The following LIF variants were observed in gnomAD, a reference collection of about 807,000 sequenced individuals.
LIF encodes leukemia inhibitory factor.
Under a neutral mutation model 15.0 loss-of-function variants are expected in LIF, and 9 were observed. That is an observed-to-expected ratio of 0.60 (90% CI 0.36 to 1.04). The LOEUF (loss-of-function observed/expected upper bound fraction) is 1.04, where lower values mean the gene tolerates loss of function less well. Among genes scored for constraint, LIF ranks in the 50% least tolerant of loss-of-function variants. LIF has a pLI of 0.01. For synonymous variants in LIF, 122 were observed against 119.7 expected, an observed-to-expected ratio of 1.02 and a Z score of -0.13; for missense variants, 240 against 266.7, an observed-to-expected ratio of 0.90 and a Z score of 0.70.
intron 1 of LIF, chr22:30,246,176 G>A (rs1928882257): frequency 6.3e-6 from 1 of 159,172 alleles, no homozygotes; most frequent in South Asian, 1.9e-4. Context: ...ACCTAGCGCA[G>A]ACCACACGCT....
Position 30,244,801 on chromosome 22 carries a change from T to A in LIF, c.152A>T (p.Gln51Leu). The A allele has an allele frequency of 6.2e-7, 1 of 1,614,226 alleles. No homozygotes were observed. Among genetic ancestry groups the A allele is most frequent in the Non-Finnish European group, 8.5e-7 (1 of 1,180,034 alleles). ...HNNLMNQIRS[Q>L]LAQLNGSANA... Reference sequence around the variant, plus strand: ...GGCACTGCCATTGAGCTGTGCCAGTTGGCTCCTGATCTGGTTCATGAGGTT... The same window carrying A: ...GGCACTGCCATTGAGCTGTGCCAGTAGGCTCCTGATCTGGTTCATGAGGTT... The change falls in exon 2 of 3, where the codon CAA (glutamine) becomes CTA (leucine). Residue 51 changes from glutamine to leucine, a missense_variant. Gln to Leu is a moderately radical substitution (Grantham distance 113). Transcript: ENST00000249075.
rs547692697 is a variant in LIF, at chr22:30,242,216, G to A, written c.*1435C>T. On this transcript the variant is annotated 3_prime_UTR_variant, in exon 3 of 3. Coordinates refer to ENST00000249075, the MANE Select transcript of LIF (RefSeq NM_002309.5). ...CACAATGCTGGGGCGCCCAAGAACAGTGTGAACCAGCCCCCTGGAATCAAG... is the reference window on the plus strand; with the variant it reads ...CACAATGCTGGGGCGCCCAAGAACAATGTGAACCAGCCCCCTGGAATCAAG... 1 of 152,852 alleles carries A rather than the reference G, an allele frequency of 6.5e-6. No homozygotes were observed. Among genetic ancestry groups the A allele is most frequent in the African/African-American group, 2.4e-5 (1 of 41,518 alleles). 9.5% of individuals were successfully genotyped at this position (152,852 alleles called of 1,614,324 possible).
rs1341619831 is a variant in LIF, at chr22:30,242,811, C to G, written c.*840G>C. 1 of 153,082 alleles carries G rather than the reference C, an allele frequency of 6.5e-6. No homozygotes were observed. The highest frequency in any genetic ancestry group is 1.5e-5 in the Non-Finnish European group (1 of 68,408). The allele number at this position is 153,082 out of a possible 1,614,324, so 9.5% of individuals were successfully genotyped here. On this transcript the variant is annotated 3_prime_UTR_variant, in exon 3 of 3. Coordinates refer to ENST00000249075, the MANE Select transcript of LIF (RefSeq NM_002309.5). The stretch of plus-strand genomic sequence containing the variant: ...TACAGACCTTTACCCAGAGGAAGAG[C>G]CTGGGTCCCTCAGAACCTCTGCACC...
chr22:30,244,699 G>A, intron 2 of LIF, 56 bp downstream of exon 2: 1 of 1,523,998 alleles, frequency 6.6e-7, no homozygotes, highest in Non-Finnish European at 9.1e-7. Flanking sequence ...AGCCCCTAAT[G>A]ATATTTACAA....
At chr22:30,244,084 C>T (rs368187183) in intron 2 of LIF, 23 bp from the exon 3 acceptor site, 35 of 1,585,414 alleles carry the variant, frequency 2.2e-5, no homozygotes, top group African/African-American at 1.7e-4. Context: ...AGGGAGGTGA[C>T]GTGGGAGTCA....
At chr22:30,245,822 C>A (rs1400065259) in intron 1 of LIF, among the ~76,000 whole-genome samples, 1 of 152,128 alleles carries the variant, frequency 6.6e-6, no homozygotes, top group Non-Finnish European at 1.5e-5. Flanking sequence ...CATAGGCAGT[C>A]GGGTGGGCGG....
chr22:30,244,564 C>T (rs1344158200), intron 2 of LIF, among the ~76,000 whole-genome samples, 191 bp downstream of exon 2: 1 of 152,120 alleles, frequency 6.6e-6, no homozygotes, highest in Non-Finnish European at 1.5e-5. Context: ...TAACTGGGCA[C>T]CCTGGGGAAG....
In LIF at chr22:30,246,710, CAG is replaced by C; in HGVS notation, c.-17_-16del. ...AAGACCTTCATTATGGGCTGCACTT[CAG>C]AGGGCCTTGGAGGAAACCTCAGATG... is the stretch of plus-strand genomic sequence containing the variant. On this transcript the variant is annotated 5_prime_UTR_variant, in exon 1 of 3. Transcript: ENST00000249075. The C allele has an allele frequency of 6.4e-7, 1 of 1,556,028 alleles. No homozygotes were observed. The highest frequency in any genetic ancestry group is 8.7e-7 in the Non-Finnish European group (1 of 1,148,912).
At chr22:30,246,423 G>A (rs1928896094) in intron 1 of LIF, 3 of 1,172,990 alleles carry the variant, frequency 2.6e-6, no homozygotes, top group African/African-American at 1.6e-5. Flanking sequence ...AAGGAGAGGG[G>A]GAAGAAGAGG....
Position 30,246,680 on chromosome 22 carries a change from C to T in LIF, c.16G>A (p.Ala6Thr). The T allele has an allele frequency of 6.4e-7, 1 of 1,557,442 alleles. No individual in the cohort carries two copies. Residue 6 changes from alanine (A) to threonine (T), a missense_variant, in exon 1 of 3, where the codon GCA (alanine) becomes ACA (threonine). Ala to Thr is a moderately conservative substitution (Grantham distance 58). Transcript: ENST00000249075. ...GGCGCGGGGCGGGTGTATTTACCTG[C>T]CGCCAAGACCTTCATTATGGGCTGC... Reference protein sequence around the residue: MKVLAAGVVPLLLVLH... With the variant: MKVLATGVVPLLLVLH...
Position 30,241,003 on chromosome 22 carries a change from ACT to A in LIF, c.*2646_*2647del, listed in dbSNP as rs1033927257. On this transcript the variant is annotated 3_prime_UTR_variant, in exon 3 of 3. Coordinates refer to ENST00000249075, the MANE Select transcript of LIF (RefSeq NM_002309.5). The surrounding 1 kb of genome is among the most constrained non-coding windows in gnomAD (Gnocchi z 4.4). The stretch of plus-strand genomic sequence containing the variant: ...GGCCCGGAGACATCTCTCTTGGTAA[ACT>A]CTCTCTTCCTCCGGCCAGGCCCAGG... 1 of 152,070 alleles carries A rather than the reference ACT, an allele frequency of 6.6e-6. No individual in the cohort carries two copies. Among genetic ancestry groups the A allele is most frequent in the Non-Finnish European group, 1.5e-5 (1 of 68,024 alleles). 9.4% of individuals were successfully genotyped at this position (152,070 alleles called of 1,614,324 possible). A position where few individuals can be genotyped will look rare whatever the true frequency, so the allele number is the denominator to read the frequency against.
At chr22:30,246,329 A>AAG (rs1241614807) in intron 1 of LIF, 5 of 428,554 alleles carry the variant, frequency 1.2e-5, no homozygotes, top group African/African-American at 1.1e-4. Flanking sequence ...AGAAAAGAAA[A>AAG]AGAGAGAGGG....
At position 30,244,023 on chromosome 22, in the gene LIF, G is replaced by A. The variant is rs772002586; in HGVS notation, c.237C>T (p.Asp79=). 6.2e-6 allele frequency: 10 copies of A among 1,612,200 alleles called. No homozygotes were observed. The South Asian group carries it at 9.9e-5, about 16-fold the overall frequency. ...AQGEPFPNNL[D]KLCGPNVTDF... is the part of the protein sequence containing the mutation. ...CCGTCACGTTGGGGCCACATAGCTT[G>A]TCCAGGTTGTTGGGGAACGGCTCCC... Residue 79 remains aspartate, a synonymous_variant, in exon 3 of 3, where the codon GAC becomes GAT. Transcript: ENST00000249075.
chr22:30,246,575 G>A (rs984695906), intron 1 of LIF, 102 bp downstream of exon 1: 1 of 1,493,370 alleles, frequency 6.7e-7, no homozygotes, highest in East Asian at 2.6e-5. Context: ...GTGTTCGTGT[G>A]TCTGCGGCGG....
At chr22:30,244,563 A>ACCCTGGGGAAGCTT (rs1233063000) in intron 2 of LIF, among the ~76,000 whole-genome samples, 192 bp downstream of exon 2, 1 of 152,060 alleles carries the variant, frequency 6.6e-6, no homozygotes, top group Non-Finnish European at 1.5e-5. Context: ...CTAACTGGGC[A>ACCCTGGGGAAGCTT]CCCTGGGGAA....
Position 30,243,583 on chromosome 22 carries a change from G to A in LIF, c.*68C>T. The A allele has an allele frequency of 6.2e-7, 1 of 1,604,308 alleles. No homozygotes were observed. Among genetic ancestry groups the A allele is most frequent in the Non-Finnish European group, 8.5e-7 (1 of 1,173,752 alleles). On this transcript the variant is annotated 3_prime_UTR_variant, in exon 3 of 3. Transcript: ENST00000249075. This position sits in a 1 kb window ranked among gnomAD's most constrained non-coding sequence, Gnocchi z 6.0. ...ATGCCCTGGGCCCCAGCCACCCTTGGACAGGCCCCCACATCTGGACCCAAC... is the reference window on the plus strand; with the variant it reads ...ATGCCCTGGGCCCCAGCCACCCTTGAACAGGCCCCCACATCTGGACCCAAC...
intron 1 of LIF, among the ~76,000 whole-genome samples, chr22:30,245,904 AG>A (rs1164240424): frequency 1.3e-5 from 2 of 152,084 alleles, no homozygotes; most frequent in Non-Finnish European, 2.9e-5. Context: ...CCCCTCCCCC[AG>A]GGGGGCCTGT....
rs537112679 is a variant in LIF, at chr22:30,242,701, C to T, written c.*950G>A. On this transcript the variant is annotated 3_prime_UTR_variant, in exon 3 of 3. Coordinates refer to ENST00000249075, the MANE Select transcript of LIF (RefSeq NM_002309.5). ...TGGGGACCAGAGACGGCCTCCAGTC[C>T]CCCTCAAGTACCTCTGTGTGACCTC... is the stretch of plus-strand genomic sequence containing the variant. The T allele has an allele frequency of 1.3e-5, 2 of 152,790 alleles. No homozygotes were observed. Among genetic ancestry groups the T allele is most frequent in the Admixed American group, 6.5e-5 (1 of 15,292 alleles). 9.5% of individuals were successfully genotyped at this position (152,790 alleles called of 1,614,324 possible).
At position 30,246,662 on chromosome 22, in the gene LIF, G is replaced by A. The variant is rs748990997; in HGVS notation, c.19+15C>T. ...CAGCGGGGACGCGAAGCCGGCGCGG[G>A]GCGGGTGTATTTACCTGCCGCCAAG... is the stretch of plus-strand genomic sequence containing the variant. On this transcript the variant is annotated intron_variant, in intron 1 of 2. Coordinates refer to ENST00000249075, the MANE Select transcript of LIF (RefSeq NM_002309.5). 1 of 1,555,096 alleles carries A rather than the reference G, an allele frequency of 6.4e-7. No homozygotes were observed. Among genetic ancestry groups the A allele is most frequent in the Non-Finnish European group, 8.7e-7 (1 of 1,148,488 alleles).
Sources: allele counts gnomAD v4.1 joint callset (sites outside exome capture counted in the v4.1 genomes callset), GRCh38; gene constraint gnomAD v4.1.1; non-coding constraint Gnocchi (gnomAD v3.1); transcripts MANE v1.5; gene names NCBI Gene and HGNC (gene_info 2026-07-23, HGNC 2026-07-21).